ZMAT3: variants seen among roughly 807,000 people sequenced by gnomAD.
ZMAT3 encodes zinc finger matrin-type 3, also known as zinc finger matrin-type protein 3.
In ZMAT3, 17 loss-of-function variants were observed where a neutral mutation model predicts 32.3. That is an observed-to-expected ratio of 0.53 (90% CI 0.36 to 0.79). The LOEUF (loss-of-function observed/expected upper bound fraction) is 0.79, where lower values mean the gene tolerates loss of function less well. ZMAT3 is among the 30% of genes least tolerant of loss of function. The pLI is 0.00. For synonymous variants in ZMAT3, 120 were observed against 133.1 expected (o/e 0.90, Z 0.68); for missense variants, 329 against 359.7 (o/e 0.91, Z 0.69).
intron 2 of ZMAT3, among the ~76,000 whole-genome samples, chr3:179,061,096 C>A (rs1721130951): frequency 6.6e-6 from 1 of 151,948 alleles, no homozygotes; most frequent in Non-Finnish European, 1.5e-5. Flanking sequence ...TATATTCATT[C>A]TTTCTTCCTT....
intron 2 of ZMAT3, among the ~76,000 whole-genome samples, chr3:179,033,196 G>C (rs188123974): frequency 6.6e-6 from 1 of 152,138 alleles, no homozygotes; most frequent in Non-Finnish European, 1.5e-5. Flanking sequence ...CCCCAACCCC[G>C]TGCTCTCTGA....
chr3:179,053,400 G>C (rs981755258), intron 2 of ZMAT3, among the ~76,000 whole-genome samples: 1 of 151,954 alleles, frequency 6.6e-6, no homozygotes, highest in African/African-American at 2.4e-5. Flanking sequence ...AAAATTCCAA[G>C]TAACAAGCTT....
At position 179,071,645 on chromosome 3, in the gene ZMAT3, GCCCGCGACGCCC is replaced by G. The variant is rs1199836090; in HGVS notation, c.-120_-109del. ...TCTCCGCGCCGCGTCCGCCCGGGACGCCCGCGACGCCCGCCCTGCGCGCCCGGCTCGGCCCAG... is the reference window on the plus strand; with the variant it reads ...TCTCCGCGCCGCGTCCGCCCGGGACGGCCCTGCGCGCCCGGCTCGGCCCAG... On this transcript the variant is annotated 5_prime_UTR_variant, in exon 1 of 6. Transcript: ENST00000311417. The G allele has an allele frequency of 6.6e-6, 1 of 152,186 alleles. No homozygotes were observed. The highest frequency in any genetic ancestry group is 1.5e-5 in the Non-Finnish European group (1 of 68,098). 9.4% of individuals were successfully genotyped at this position (152,186 alleles called of 1,614,324 possible). A position where few individuals can be genotyped will look rare whatever the true frequency, so the allele number is the denominator to read the frequency against.
chr3:179,046,398 C>A lies in ZMAT3; in HGVS notation c.271-15399G>T, dbSNP rs976336771. Among the ~76,000 whole-genome samples, 9 of 152,328 alleles carry A rather than the reference C, an allele frequency of 5.9e-5. No individual in the cohort carries two copies. Among genetic ancestry groups the A allele is most frequent in the African/African-American group, 2.2e-4 (9 of 41,566 alleles). On this transcript the variant is annotated intron_variant, in intron 2 of 5. Coordinates refer to ENST00000311417, the MANE Select transcript of ZMAT3 (RefSeq NM_022470.4). This position sits in a 1 kb window ranked among gnomAD's most constrained non-coding sequence, Gnocchi z 4.3. ...AATAGCAGACAGGAGGCAGGACTAA[C>A]TAGCAGCTCCCACTCAGATGGACAG...
rs115292441 is a variant in ZMAT3 at position 179,071,086 on chromosome 3, A to G, written c.-58+509T>C. ...GAATGAGAGGGAGAAAAGTTAAAAAAAATAATAATAATAATCACTTGAGGC... is the reference window on the plus strand; with the variant it reads ...GAATGAGAGGGAGAAAAGTTAAAAAGAATAATAATAATAATCACTTGAGGC... On this transcript the variant is annotated intron_variant, in intron 1 of 5. Coordinates refer to ENST00000311417, the MANE Select transcript of ZMAT3 (RefSeq NM_022470.4). Among the ~76,000 whole-genome samples the G allele has an allele frequency of 3.9e-5, 6 of 152,302 alleles. No individual in the cohort carries two copies. The East Asian group carries it at 1.2e-3, about 29-fold the overall frequency.
chr3:179,053,002 T>A (rs1024486962), intron 2 of ZMAT3, among the ~76,000 whole-genome samples: 32 of 151,772 alleles, frequency 2.1e-4, no homozygotes, highest in African/African-American at 7.7e-4. Context: ...GTGGCGGGCA[T>A]CTGTAATCCC....
chr3:179,032,636 C>A (rs1283259971), intron 2 of ZMAT3, among the ~76,000 whole-genome samples: 1 of 151,272 alleles, frequency 6.6e-6, no homozygotes, highest in Non-Finnish European at 1.5e-5. Flanking sequence ...ATGTGAAGAG[C>A]ACCTCTGCCC....
chr3:179,033,149 T>C (rs1057009767), intron 2 of ZMAT3, among the ~76,000 whole-genome samples: 8 of 152,216 alleles, frequency 5.3e-5, no homozygotes, highest in African/African-American at 1.7e-4. Flanking sequence ...TAAGAAAAAT[T>C]CTTCTGCCTT....
intron 2 of ZMAT3, among the ~76,000 whole-genome samples, chr3:179,051,436 T>C (rs1041062197): frequency 3.3e-5 from 5 of 152,162 alleles, no homozygotes; most frequent in Non-Finnish European, 5.9e-5. Flanking sequence ...CATAGGAATA[T>C]ACTTAACCAA....
intron 1 of ZMAT3, among the ~76,000 whole-genome samples, chr3:179,070,305 G>A (rs545073545): frequency 4.3e-4 from 65 of 152,302 alleles, no homozygotes; most frequent in Non-Finnish European, 6.3e-4. Flanking sequence ...TCAAAGAACA[G>A]AGGCACAAAA....
At chr3:179,041,201 G>A (rs1719906412) in intron 2 of ZMAT3, among the ~76,000 whole-genome samples, 1 of 152,132 alleles carries the variant, frequency 6.6e-6, no homozygotes, top group Non-Finnish European at 1.5e-5. Context: ...AGCATATACA[G>A]GACTTGAACT....
rs370087981 is a variant in ZMAT3 at position 179,027,674 on chromosome 3, G to A, written c.529C>T (p.Leu177=). 9 of 1,614,084 alleles carry A rather than the reference G, an allele frequency of 5.6e-6. No individual in the cohort carries two copies. The highest frequency in any genetic ancestry group is 1.1e-5 in the South Asian group (1 of 91,088). ...AATGAGTTACTCTGAGCTTCCGCCA[G>A]CCGCAGCCTCTTGGCATGATTCTTC... The part of the protein sequence containing the change: ...QGKNHAKRLR[L]AEAQSNSFSE... The change falls in exon 4 of 6, where the codon CTG becomes TTG. Residue 177 remains leucine (L), a synonymous_variant. Transcript: ENST00000311417.
chr3:179,056,827 A>G (rs1720872201), intron 2 of ZMAT3, among the ~76,000 whole-genome samples: 2 of 152,132 alleles, frequency 1.3e-5, no homozygotes, highest in South Asian at 4.1e-4. Context: ...GTGATGGGGA[A>G]CTTTACTCTT....
rs191365265 is a variant in ZMAT3, at chr3:179,038,818, G to A, written c.271-7819C>T. Among the ~76,000 whole-genome samples, 24 of 152,342 alleles carry A rather than the reference G, an allele frequency of 1.6e-4. No individual in the cohort carries two copies. The East Asian group carries it at 1.7e-3, about 11-fold the overall frequency. On this transcript the variant is annotated intron_variant, in intron 2 of 5. Coordinates refer to ENST00000311417, the MANE Select transcript of ZMAT3 (RefSeq NM_022470.4). ...TTCCCTTTCCTAGCCAAGAGAAGCC[G>A]TGACGGACTGCACCTGGAAAAACAG...
At chr3:179,028,481 T>G (rs1719001204) in intron 3 of ZMAT3, among the ~76,000 whole-genome samples, 2 of 152,204 alleles carry the variant, frequency 1.3e-5, no homozygotes, top group African/African-American at 4.8e-5. Flanking sequence ...TGATAAAGAT[T>G]CTGGAAACCA....
intron 2 of ZMAT3, among the ~76,000 whole-genome samples, chr3:179,050,499 C>A (rs1720499342): frequency 6.6e-6 from 1 of 151,960 alleles, no homozygotes; most frequent in Non-Finnish European, 1.5e-5. Context: ...AAAAAAAAGT[C>A]CAAGACCAGA....
intron 2 of ZMAT3, among the ~76,000 whole-genome samples, chr3:179,066,012 C>A (rs553869324): frequency 1.3e-5 from 2 of 152,270 alleles, no homozygotes; most frequent in Admixed American, 6.5e-5. Context: ...AATAATTAAA[C>A]CTTTAGAACC....
At chr3:179,058,572 C>T (rs770865280) in intron 2 of ZMAT3, among the ~76,000 whole-genome samples, 4 of 151,850 alleles carry the variant, frequency 2.6e-5, no homozygotes, top group Admixed American at 6.6e-5. Context: ...CTAGCTAAAA[C>T]GGTGAAACCC....
chr3:179,042,355 G>GT (rs1560090585), intron 2 of ZMAT3, among the ~76,000 whole-genome samples: 1 of 152,048 alleles, frequency 6.6e-6, no homozygotes, highest in Non-Finnish European at 1.5e-5. Flanking sequence ...ATCCAGCAGC[G>GT]TATCAAAAAG....
Sources: gnomAD v4.1 joint callset for allele counts (sites outside exome capture counted in the v4.1 genomes callset) on GRCh38, gnomAD v4.1.1 for gene constraint, Gnocchi (gnomAD v3.1) non-coding constraint, MANE v1.5 for transcripts, NCBI Gene and HGNC (gene_info 2026-07-23, HGNC 2026-07-21) for gene names.